Variants in SMARCA4 observed in about 807,000 individuals in gnomAD.
SMARCA4 encodes the protein SWI/SNF related BAF chromatin remodeling complex subunit ATPase 4.
Under a neutral mutation model 193.9 loss-of-function variants are expected in SMARCA4, and 31 were observed. The ratio of observed to expected loss-of-function variants is 0.16; its 90% CI spans 0.12 to 0.22. The LOEUF (loss-of-function observed/expected upper bound fraction) is 0.22. Among genes scored for constraint, SMARCA4 ranks in the 10% least tolerant of loss-of-function variants. SMARCA4 has a pLI of 1.00. For synonymous variants in SMARCA4, 942 were observed against 933.1 expected (o/e 1.01, Z -0.17); for missense variants, 1,148 against 2,296.0 (o/e 0.50, Z 10.22).
intron 13 of SMARCA4, among the ~76,000 whole-genome samples, chr19:11,005,806 T>C (rs1201762116): frequency 1.3e-5 from 2 of 152,220 alleles, no homozygotes; most frequent in African/African-American, 4.8e-5. Flanking sequence ...TCTTCCCACC[T>C]GAAGTTCAGT....
In SMARCA4 at chr19:11,034,120, T is replaced by C. The variant is rs370679578; in HGVS notation, c.3874-3T>C. The C allele has an allele frequency of 3.0e-5, 48 of 1,612,352 alleles. No individual in the cohort carries two copies. Among genetic ancestry groups the C allele is most frequent in the Non-Finnish European group, 3.2e-5 (38 of 1,179,038 alleles). On this transcript the variant is annotated splice_region_variant and splice_polypyrimidine_tract_variant and intron_variant, in intron 27 of 34. Transcript: ENST00000344626. The surrounding 1 kb of genome is among the most constrained non-coding windows in gnomAD (Gnocchi z 7.0). ...GCGGCACTGACAGTTTGCAATCTTA[T>C]AGGAGGAAGACGAGGTGCCCGACGA...
In SMARCA4 at chr19:11,019,148, C is replaced by T; in HGVS notation, c.2505+125C>T. 1.3e-6 allele frequency: 1 copy of T among 786,186 alleles called. No individual in the cohort carries two copies. Among genetic ancestry groups the T allele is most frequent in the South Asian group, 1.4e-5 (1 of 71,488 alleles). 48.7% of individuals were successfully genotyped at this position (786,186 alleles called of 1,614,324 possible). ...CTGGGTCTCCAGTCGCATGGAGTCTCCAGGACAGCCTGGAACTCCAGTCAC... is the reference window on the plus strand; with the variant it reads ...CTGGGTCTCCAGTCGCATGGAGTCTTCAGGACAGCCTGGAACTCCAGTCAC... On this transcript the variant is annotated intron_variant, in intron 17 of 34. Transcript: ENST00000344626. The surrounding 1 kb of genome is among the most constrained non-coding windows in gnomAD (Gnocchi z 6.1).
At chr19:11,035,331 C>G (rs2075205849) in intron 29 of SMARCA4, among the ~76,000 whole-genome samples, 199 bp downstream of exon 29, 2 of 152,228 alleles carry the variant, frequency 1.3e-5, no homozygotes, top group African/African-American at 4.8e-5. Context: ...CCTTGGAATG[C>G]AAGAAGGACC....
At chr19:10,976,956 C>A (rs368587907) in intron 1 of SMARCA4, among the ~76,000 whole-genome samples, 2 of 151,870 alleles carry the variant, frequency 1.3e-5, no homozygotes, top group African/African-American at 4.8e-5. Context: ...ACTCGGGAGG[C>A]TGAGGCAGGA....
Position 11,051,179 on chromosome 19 carries a change from G to A in SMARCA4, c.4425-7076G>A, listed in dbSNP as rs73013189. Among the ~76,000 whole-genome samples the A allele has an allele frequency of 3.1e-3, 473 of 152,300 alleles. 1 individual carries two copies. The highest frequency in any genetic ancestry group is 3.9e-3 in the Non-Finnish European group (265 of 68,020). ...GCTCCCCCTCCTCTGTTTGTGAGTC[G>A]GGCCCTACCCCCAAGTCTCCCCCTC... is the stretch of plus-strand genomic sequence containing the variant. On this transcript the variant is annotated intron_variant, in intron 30 of 34. Transcript: ENST00000344626.
chr19:10,984,988 T>C lies in SMARCA4; in HGVS notation c.223-285T>C, dbSNP rs568686880. Reference sequence around the variant, plus strand: ...CATGAGAAAAGGTGACATTTCTAAGTGTCACGGGCCACAGGAGGTCCCGGG... The same window carrying C: ...CATGAGAAAAGGTGACATTTCTAAGCGTCACGGGCCACAGGAGGTCCCGGG... On this transcript the variant is annotated intron_variant, in intron 2 of 34. Coordinates refer to ENST00000344626, the MANE Select transcript of SMARCA4 (RefSeq NM_003072.5). The surrounding 1 kb of genome is among the most constrained non-coding windows in gnomAD (Gnocchi z 4.3). Among the ~76,000 whole-genome samples the C allele has an allele frequency of 6.6e-6, 1 of 152,266 alleles. No homozygotes were observed. Among genetic ancestry groups the C allele is most frequent in the African/African-American group, 2.4e-5 (1 of 41,556 alleles).
intron 1 of SMARCA4, among the ~76,000 whole-genome samples, chr19:10,974,677 A>ATG (rs2084957587): frequency 2.7e-5 from 1 of 37,356 alleles, no homozygotes; most frequent in Admixed American, 3.5e-4. Flanking sequence ...ATATATATAT[A>ATG]TATATATATA....
rs75161370 is a variant in SMARCA4 at position 10,983,103 on chromosome 19, A to G, written c.-31-1018A>G. On this transcript the variant is annotated intron_variant, in intron 1 of 34. Transcript: ENST00000344626. ...AGCCTAGAATGTATTGAGAAATTTCACTGAGTGTGGGTGCGTCTTCAGCCA... is the reference window on the plus strand; with the variant it reads ...AGCCTAGAATGTATTGAGAAATTTCGCTGAGTGTGGGTGCGTCTTCAGCCA... Among the ~76,000 whole-genome samples, 590 of 152,186 alleles carry G rather than the reference A, an allele frequency of 3.9e-3. 4 individuals are homozygous for G. Among genetic ancestry groups the G allele is most frequent in the African/African-American group, 0.013 (540 of 41,454 alleles).
In SMARCA4 at chr19:10,965,751, G is replaced by A. The variant is rs571431505; in HGVS notation, c.-32+4577G>A. Among the ~76,000 whole-genome samples, 6 of 152,120 alleles carry A rather than the reference G, an allele frequency of 3.9e-5. No homozygotes were observed. The South Asian group carries it at 1.2e-3, about 32-fold the overall frequency. Reference sequence around the variant, plus strand: ...GCAGTTGTGACCCGATAGTATTTGTGTATCTAAATATATCTAAACAGAAAA... The same window carrying A: ...GCAGTTGTGACCCGATAGTATTTGTATATCTAAATATATCTAAACAGAAAA... On this transcript the variant is annotated intron_variant, in intron 1 of 34. Transcript: ENST00000344626.
chr19:10,996,647 ATGT>A, intron 11 of SMARCA4, 103 bp downstream of exon 11: 1 of 1,100,902 alleles, frequency 9.1e-7, no homozygotes, highest in Non-Finnish European at 1.4e-6. Flanking sequence ...GAACAATGAT[ATGT>A]GATGATGGTG....
In SMARCA4 at chr19:11,031,771, C is replaced by T. The variant is rs1375518203; in HGVS notation, c.3546+878C>T. The T allele has an allele frequency of 6.6e-6, 1 of 152,246 alleles. No individual in the cohort carries two copies. Among genetic ancestry groups the T allele is most frequent in the African/African-American group, 2.4e-5 (1 of 41,428 alleles). 9.4% of individuals were successfully genotyped at this position (152,246 alleles called of 1,614,324 possible). A position where few individuals can be genotyped will look rare whatever the true frequency, so the allele number is the denominator to read the frequency against. On this transcript the variant is annotated intron_variant, in intron 25 of 34. Coordinates refer to ENST00000344626, the MANE Select transcript of SMARCA4 (RefSeq NM_003072.5). The surrounding 1 kb of genome is among the most constrained non-coding windows in gnomAD (Gnocchi z 4.3). ...AGCCTGGTCACCAACCCAGCAGGGT[C>T]CCTCTTTCTCTCAGAGTGCTTGTGC...
rs867536416 is a variant in SMARCA4, at chr19:11,061,788, G to A, written c.4916G>A (p.Arg1639His). 6.8e-5 allele frequency: 109 copies of A among 1,613,608 alleles called. No individual in the cohort carries two copies. Among genetic ancestry groups the A allele is most frequent in the Non-Finnish European group, 8.1e-5 (95 of 1,179,972 alleles). Residue 1639 changes from arginine (R) to histidine (H), a missense_variant, in exon 35 of 35, where the codon CGC becomes CAC. By Grantham distance (29) the Arg-to-His change is conservative (BLOSUM62 0). Coordinates refer to ENST00000344626, the MANE Select transcript of SMARCA4 (RefSeq NM_003072.5). ...CTCCTCCTGTCCCCTCTCCAGGACCGCTCAGGAAGTGGCAGCGAAGAAGAC... is the reference window on the plus strand; with the variant it reads ...CTCCTCCTGTCCCCTCTCCAGGACCACTCAGGAAGTGGCAGCGAAGAAGAC... ...DDSEEEQEED[R>H]SGSGSEED
chr19:11,047,399 C>T (rs994602670), intron 30 of SMARCA4, among the ~76,000 whole-genome samples: 15 of 134,218 alleles, frequency 1.1e-4, no homozygotes, highest in African/African-American at 4.3e-4. Flanking sequence ...GAGAAGCCTC[C>T]GTGTCCAGAG....
Position 11,058,398 on chromosome 19 carries a change from C to A in SMARCA4, c.4533+35C>A, listed in dbSNP as rs2147090401. ...ACGTTGTACCTGCGCCCCGCATGTG[C>A]CCGGAGGGGAGTCTGACCCAGGGGC... On this transcript the variant is annotated intron_variant, in intron 31 of 34. Coordinates refer to ENST00000344626, the MANE Select transcript of SMARCA4 (RefSeq NM_003072.5). The surrounding 1 kb of genome is among the most constrained non-coding windows in gnomAD (Gnocchi z 5.8). 2 of 1,453,080 alleles carry A rather than the reference C, an allele frequency of 1.4e-6. No individual in the cohort carries two copies. Among genetic ancestry groups the A allele is most frequent in the Non-Finnish European group, 1.9e-6 (2 of 1,035,514 alleles). The allele number at this position is 1,453,080 out of a possible 1,614,324, so 90.0% of individuals were successfully genotyped here. A position where few individuals can be genotyped will look rare whatever the true frequency, so the allele number is the denominator to read the frequency against.
intron 30 of SMARCA4, among the ~76,000 whole-genome samples, chr19:11,051,293 A>C (rs1022784399): frequency 6.6e-6 from 1 of 152,126 alleles, no homozygotes; most frequent in Non-Finnish European, 1.5e-5. Context: ...GTTTAAGGAA[A>C]GCTTAGGACA....
At position 11,041,508 on chromosome 19, in the gene SMARCA4, C is replaced by T. The variant is rs1600469027; in HGVS notation, c.4372C>T (p.Leu1458Phe). 6.2e-7 allele frequency: 1 copy of T among 1,613,946 alleles called. No homozygotes were observed. Among genetic ancestry groups the T allele is most frequent in the Non-Finnish European group, 8.5e-7 (1 of 1,180,004 alleles). The stretch of plus-strand genomic sequence containing the variant: ...GAAACTCTCCCCTAACCCACCCAAC[C>T]TCACCAAGAAGATGAAGAAGATTGT... ...AEKLSPNPPNLTKKMKKIVDA... is the reference protein window; with the variant it reads ...AEKLSPNPPNFTKKMKKIVDA... Residue 1458 changes from leucine (L) to phenylalanine (F), a missense_variant, in exon 30 of 35, where the codon CTC becomes TTC. Coordinates refer to ENST00000344626, the MANE Select transcript of SMARCA4 (RefSeq NM_003072.5). The surrounding 1 kb of genome is among the most constrained non-coding windows in gnomAD (Gnocchi z 5.6).
At chr19:10,982,601 ACC>A (rs2085643650) in intron 1 of SMARCA4, among the ~76,000 whole-genome samples, 1 of 150,018 alleles carries the variant, frequency 6.7e-6, no homozygotes, top group Non-Finnish European at 1.5e-5. Context: ...CTGGGTTCAC[ACC>A]ATTCTCCTGG....
chr19:10,969,834 G>T (rs917421506), intron 1 of SMARCA4, among the ~76,000 whole-genome samples: 1 of 151,276 alleles, frequency 6.6e-6, no homozygotes, highest in African/African-American at 2.4e-5. Context: ...CATGTCCAGA[G>T]AAATTAAAGT....
rs2087068449 is a variant in SMARCA4 at position 10,996,536 on chromosome 19, G to A, written c.1804G>A (p.Asp602Asn). 1 of 1,614,182 alleles carries A rather than the reference G, an allele frequency of 6.2e-7. No individual in the cohort carries two copies. Among genetic ancestry groups the A allele is most frequent in the Non-Finnish European group, 8.5e-7 (1 of 1,179,986 alleles). ...AGGACAGACGCCTGCCATTGGGCCGGATGGCGAGGTGAGGAAGCAGGGTTT... is the reference window on the plus strand; with the variant it reads ...AGGACAGACGCCTGCCATTGGGCCGAATGGCGAGGTGAGGAAGCAGGGTTT... ...AEGQTPAIGP[D>N]GEPLDETSQM... The change falls in exon 11 of 35, where the codon GAT becomes AAT. Residue 602 changes from aspartate to asparagine, a missense_variant. Transcript: ENST00000344626.
Sources: gnomAD v4.1 joint callset for allele counts (sites outside exome capture counted in the v4.1 genomes callset) on GRCh38, gnomAD v4.1.1 for gene constraint, Gnocchi (gnomAD v3.1) non-coding constraint, MANE v1.5 for transcripts, NCBI Gene and HGNC (gene_info 2026-07-23, HGNC 2026-07-21) for gene names.